Variants in NASP observed in about 807,000 individuals in gnomAD.
The protein encoded by NASP is nuclear autoantigenic sperm protein.
In NASP, 24 loss-of-function variants were observed where a neutral mutation model predicts 89.5. The observed-to-expected ratio is 0.27, with a 90% CI of 0.19 to 0.38. NASP has a LOEUF of 0.38. NASP is among the 10% of genes least tolerant of loss of function. The pLI, the probability that NASP is intolerant of heterozygous loss-of-function variation, is 1.00. For missense variants in NASP, 848 were observed against 921.4 expected, an observed-to-expected ratio of 0.92 and a Z score of 1.03; for synonymous variants, 306 against 324.7, an observed-to-expected ratio of 0.94 and a Z score of 0.62.
chr1:45,600,195 T>C (rs1641235241), intron 2 of NASP, among the ~76,000 whole-genome samples: 1 of 152,202 alleles, frequency 6.6e-6, no homozygotes, highest in Admixed American at 6.5e-5. Flanking sequence ...CAGGTTTTTC[T>C]TAAAGCTATA....
intron 14 of NASP, 95 bp from the exon 15 acceptor site, chr1:45,617,966 A>T: frequency 9.2e-7 from 1 of 1,092,730 alleles, no homozygotes; most frequent in Admixed American, 2.2e-5. Flanking sequence ...AGTTTGGGTG[A>T]CTTGTATATG....
In NASP at chr1:45,584,131, C is replaced by T. The variant is rs1384801092; in HGVS notation, c.-16C>T. Reference sequence around the variant, plus strand: ...AGGCTCTATTCCGTTCGCTGGTTCGCCACCTCAGGGGAACGATGGCCATGG... The same window carrying T: ...AGGCTCTATTCCGTTCGCTGGTTCGTCACCTCAGGGGAACGATGGCCATGG... On this transcript the variant is annotated 5_prime_UTR_variant, in exon 1 of 15. Coordinates refer to ENST00000350030, the MANE Select transcript of NASP (RefSeq NM_002482.4). 1 of 1,584,542 alleles carries T rather than the reference C, an allele frequency of 6.3e-7. No homozygotes were observed. Among genetic ancestry groups the T allele is most frequent in the Non-Finnish European group, 8.6e-7 (1 of 1,165,160 alleles).
chr1:45,614,940 A>G, intron 9 of NASP, 73 bp from the exon 10 acceptor site: 2 of 1,288,496 alleles, frequency 1.6e-6, no homozygotes, highest in South Asian at 1.4e-5. Flanking sequence ...TTCCCATAGG[A>G]TGGGTCTGAA....
intron 1 of NASP, among the ~76,000 whole-genome samples, chr1:45,588,220 C>T (rs1644586005): frequency 6.6e-6 from 1 of 152,144 alleles, no homozygotes; most frequent in South Asian, 2.1e-4. Context: ...TCTCCTGCCT[C>T]AGCCTCCCAA....
At chr1:45,593,840 A>G (rs1436266698) in intron 2 of NASP, among the ~76,000 whole-genome samples, 1 of 146,916 alleles carries the variant, frequency 6.8e-6, no homozygotes, top group East Asian at 2.0e-4. Context: ...GCAACATAGC[A>G]AGACGCCATC....
intron 2 of NASP, 99 bp from the exon 3 acceptor site, chr1:45,602,156 A>G (rs1051508853): frequency 1.2e-5 from 18 of 1,448,178 alleles, no homozygotes; most frequent in Admixed American, 2.5e-5. Flanking sequence ...GAGTAGTCCA[A>G]AAGTTTTAAA....
In NASP at chr1:45,614,079, A is replaced by G. The variant is rs1341786309; in HGVS notation, c.1507-17A>G. On this transcript the variant is annotated splice_polypyrimidine_tract_variant and intron_variant, in intron 7 of 14. Coordinates refer to ENST00000350030, the MANE Select transcript of NASP (RefSeq NM_002482.4). ...TGAAAAAGATGCCTATCTTTTTATTATTTGGTTATACTTTAGTCTCTTCAA... is the reference window on the plus strand; with the variant it reads ...TGAAAAAGATGCCTATCTTTTTATTGTTTGGTTATACTTTAGTCTCTTCAA... 6.6e-7 allele frequency: 1 copy of G among 1,524,614 alleles called. No individual in the cohort carries two copies. The highest frequency in any genetic ancestry group is 9.1e-7 in the Non-Finnish European group (1 of 1,104,010). 94.4% of individuals were successfully genotyped at this position (1,524,614 alleles called of 1,614,324 possible).
At position 45,591,287 on chromosome 1, in the gene NASP, G is replaced by T. The variant is rs1048131367; in HGVS notation, c.107+17G>T. 4.8e-6 allele frequency: 7 copies of T among 1,468,350 alleles called. No homozygotes were observed. Among genetic ancestry groups the T allele is most frequent in the Non-Finnish European group, 6.5e-6 (7 of 1,081,366 alleles). The allele number at this position is 1,468,350 out of a possible 1,614,324, so 91.0% of individuals were successfully genotyped here. A position where few individuals can be genotyped will look rare whatever the true frequency, so the allele number is the denominator to read the frequency against. Reference sequence around the variant, plus strand: ...AGTGGAGAGGTAAGATTATTTACATGGTAGTTAGATTCGTATCAGAAACAT... The same window carrying T: ...AGTGGAGAGGTAAGATTATTTACATTGTAGTTAGATTCGTATCAGAAACAT... On this transcript the variant is annotated intron_variant, in intron 2 of 14. Transcript: ENST00000350030.
In NASP at chr1:45,618,054, C is replaced by T; in HGVS notation, c.2287-7C>T. On this transcript the variant is annotated splice_polypyrimidine_tract_variant and splice_region_variant and intron_variant, in intron 14 of 14. Transcript: ENST00000350030. ...TCACTCATGCCCAGGTTCTGTTTGT[C>T]TTCCAGGCTGAGAATCAGGCTGAAA... is the stretch of plus-strand genomic sequence containing the variant. 4.4e-6 allele frequency: 7 copies of T among 1,596,294 alleles called. No individual in the cohort carries two copies. The highest frequency in any genetic ancestry group is 6.0e-6 in the Non-Finnish European group (7 of 1,170,894).
intron 2 of NASP, among the ~76,000 whole-genome samples, chr1:45,602,003 C>T (rs1304689537): frequency 4.6e-5 from 7 of 152,026 alleles, no homozygotes; most frequent in Non-Finnish European, 7.4e-5. Flanking sequence ...CTGCCCGCCT[C>T]GGCCTCCCAA....
chr1:45,617,941 T>A (rs1041050186), intron 14 of NASP, 120 bp from the exon 15 acceptor site: 1 of 823,900 alleles, frequency 1.2e-6, no homozygotes, highest in Non-Finnish European at 2.0e-6. Context: ...CCTCTTAATA[T>A]AGGGAGCAAA....
chr1:45,591,437 T>G (rs756145201), intron 2 of NASP, among the ~76,000 whole-genome samples, 167 bp downstream of exon 2: 2 of 152,238 alleles, frequency 1.3e-5, no homozygotes, highest in African/African-American at 2.4e-5. Flanking sequence ...CACTACAACC[T>G]TGAACTCCTG....
intron 3 of NASP, among the ~76,000 whole-genome samples, chr1:45,603,952 C>G (rs1374154551): frequency 6.6e-6 from 1 of 152,186 alleles, no homozygotes; most frequent in Non-Finnish European, 1.5e-5. Context: ...TGTCTTACAA[C>G]ATAAAATGTT....
chr1:45,584,214 G>C lies in NASP; in HGVS notation c.59+9G>C, dbSNP rs1471983451. Reference sequence around the variant, plus strand: ...CTGGTTTCTGCCGACAAGTAAGCGGGACTGTGGAAAGCTTAAGGCACTGGC... The same window carrying C: ...CTGGTTTCTGCCGACAAGTAAGCGGCACTGTGGAAAGCTTAAGGCACTGGC... On this transcript the variant is annotated intron_variant, in intron 1 of 14. Transcript: ENST00000350030. 2.5e-6 allele frequency: 4 copies of C among 1,580,438 alleles called. No homozygotes were observed. Among genetic ancestry groups the C allele is most frequent in the East Asian group, 4.6e-5 (2 of 43,468 alleles).
chr1:45,599,610 A>T lies in NASP; in HGVS notation c.108-2645A>T, dbSNP rs143257088. On this transcript the variant is annotated intron_variant, in intron 2 of 14. Transcript: ENST00000350030. ...GCCCGGCTAACTTTTGTATTTTCAG[A>T]AGAGAGGGGGGTTTCACCATCTTGG... 3.5e-3 allele frequency among the ~76,000 whole-genome samples: 534 copies of T among 151,174 alleles called. 6 individuals carry two copies. Among genetic ancestry groups the T allele is most frequent in the East Asian group, 0.035 (177 of 5,098 alleles).
chr1:45,584,267 G>T lies in NASP; in HGVS notation c.59+62G>T, dbSNP rs186337763. ...GTCCGCGGGGAGGGCTAATGGACGGGGGCTCCGGAGAAGGGGCAGACCGGT... is the reference window on the plus strand; with the variant it reads ...GTCCGCGGGGAGGGCTAATGGACGGTGGCTCCGGAGAAGGGGCAGACCGGT... On this transcript the variant is annotated intron_variant, in intron 1 of 14. Transcript: ENST00000350030. The T allele has an allele frequency of 2.6e-4, 386 of 1,476,450 alleles. 3 individuals carry two copies. In the East Asian group the frequency reaches 9.1e-3, roughly 35 times the overall value. 91.5% of individuals were successfully genotyped at this position (1,476,450 alleles called of 1,614,324 possible).
At chr1:45,591,640 T>C (rs1643550992) in intron 2 of NASP, among the ~76,000 whole-genome samples, 1 of 152,146 alleles carries the variant, frequency 6.6e-6, no homozygotes, top group Non-Finnish European at 1.5e-5. Context: ...AGGTGTGAAC[T>C]ACCAGGCCCG....
At chr1:45,616,774 C>G in intron 13 of NASP, 71 bp downstream of exon 13, 1 of 1,392,520 alleles carries the variant, frequency 7.2e-7, no homozygotes, top group South Asian at 1.2e-5. Flanking sequence ...TCCTATAAAC[C>G]CCTCCCTATA....
At chr1:45,602,079 G>A (rs1210737493) in intron 2 of NASP, among the ~76,000 whole-genome samples, 176 bp from the exon 3 acceptor site, 1 of 152,106 alleles carries the variant, frequency 6.6e-6, no homozygotes, top group Non-Finnish European at 1.5e-5. Context: ...AGGCTTCTGG[G>A]AATGTTGCCT....
Sources: allele counts gnomAD v4.1 joint callset (sites outside exome capture counted in the v4.1 genomes callset), GRCh38; gene constraint gnomAD v4.1.1; transcripts MANE v1.5; gene names NCBI Gene and HGNC (gene_info 2026-07-23, HGNC 2026-07-21).